DCC: variants seen among roughly 807,000 people sequenced by gnomAD.
DCC encodes DCC netrin 1 receptor.
A neutral mutation model predicts 172.5 loss-of-function variants in DCC; 58 were observed. The observed-to-expected ratio is 0.34, with a 90% CI of 0.27 to 0.42. The LOEUF is 0.42. Among genes scored for constraint, DCC ranks in the 10% least tolerant of loss-of-function variants. DCC has a pLI of 1.00. For synonymous variants in DCC, 709 were observed against 644.5 expected (o/e 1.10, Z -1.52); for missense variants, 1,740 against 1,791.0 (o/e 0.97, Z 0.51).
intron 7 of DCC, among the ~76,000 whole-genome samples, chr18:53,137,862 A>T (rs2043769139): frequency 6.6e-6 from 1 of 151,970 alleles, no homozygotes; most frequent in South Asian, 2.1e-4. Flanking sequence ...GTCACCTAGG[A>T]TGGAGTGCAG....
intron 5 of DCC, among the ~76,000 whole-genome samples, chr18:52,957,955 G>T (rs1159244937): frequency 6.6e-6 from 1 of 152,124 alleles, no homozygotes; most frequent in Non-Finnish European, 1.5e-5. Flanking sequence ...AGCACAGATT[G>T]GGAGAAGAGG....
intron 16 of DCC, among the ~76,000 whole-genome samples, chr18:53,388,853 T>A (rs887587010): frequency 2.0e-5 from 3 of 152,186 alleles, no homozygotes; most frequent in Non-Finnish European, 4.4e-5. Flanking sequence ...GGTGCAGTCA[T>A]GGCTCACTGT....
intron 13 of DCC, among the ~76,000 whole-genome samples, chr18:53,312,340 C>CA (rs1218591102): frequency 0.076 from 1,316 of 17,402 alleles, 244 homozygotes; most frequent in African/African-American, 0.16. Flanking sequence ...GACTCTGTCT[C>CA]AAAAAAAAAA....
At chr18:52,349,133 G>A (rs905747627) in intron 1 of DCC, among the ~76,000 whole-genome samples, 5 of 152,118 alleles carry the variant, frequency 3.3e-5, no homozygotes, top group Non-Finnish European at 7.4e-5. Context: ...TACATTTATG[G>A]CATATATAAC....
intron 1 of DCC, among the ~76,000 whole-genome samples, chr18:52,408,676 A>G (rs1372696402): frequency 6.6e-6 from 1 of 152,138 alleles, no homozygotes; most frequent in East Asian, 1.9e-4. Flanking sequence ...TAGCTCCAGA[A>G]AACTCTGGAT....
intron 7 of DCC, among the ~76,000 whole-genome samples, chr18:53,094,888 CTAAT>C (rs1440184369): frequency 6.6e-6 from 1 of 151,914 alleles, no homozygotes; most frequent in Non-Finnish European, 1.5e-5. Context: ...TTAACTGGGT[CTAAT>C]AAATAATAGA....
intron 12 of DCC, among the ~76,000 whole-genome samples, chr18:53,228,356 T>C (rs746974173): frequency 3.2e-4 from 49 of 152,192 alleles, no homozygotes; most frequent in Non-Finnish European, 6.6e-4. Context: ...TCCGTTACAA[T>C]CTTGGATTAT....
At chr18:52,347,427 T>A (rs190086464) in intron 1 of DCC, among the ~76,000 whole-genome samples, 1 of 152,308 alleles carries the variant, frequency 6.6e-6, no homozygotes, top group African/African-American at 2.4e-5. Flanking sequence ...TATGTGATTT[T>A]ATAGGGATAA....
chr18:53,245,681 C>G (rs1473491521), intron 12 of DCC, among the ~76,000 whole-genome samples: 2 of 152,022 alleles, frequency 1.3e-5, no homozygotes, highest in Non-Finnish European at 1.5e-5. Context: ...AAGTCTAATA[C>G]AGATATCTAA....
At chr18:52,586,088 A>G (rs1298121059) in intron 1 of DCC, among the ~76,000 whole-genome samples, 3 of 145,156 alleles carry the variant, frequency 2.1e-5, no homozygotes, top group African/African-American at 7.9e-5. Flanking sequence ...GTCTCAAAAA[A>G]AAAAAAAAAA....
intron 1 of DCC, among the ~76,000 whole-genome samples, chr18:52,522,201 T>G (rs971008622): frequency 6.6e-6 from 1 of 152,222 alleles, no homozygotes; most frequent in Non-Finnish European, 1.5e-5. Flanking sequence ...CATGGCAGTA[T>G]CTACCTGTAC....
At chr18:52,663,413 G>A (rs1037371547) in intron 1 of DCC, among the ~76,000 whole-genome samples, 6 of 152,100 alleles carry the variant, frequency 3.9e-5, no homozygotes, top group African/African-American at 1.4e-4. Context: ...GCTGAGTTTC[G>A]AGTGGACTAG....
intron 25 of DCC, among the ~76,000 whole-genome samples, 200 bp from the exon 26 acceptor site, chr18:53,486,597 C>T (rs563190698): frequency 2.6e-5 from 4 of 152,184 alleles, no homozygotes; most frequent in Admixed American, 2.0e-4. Flanking sequence ...GGTAATATTT[C>T]GTAGTATGAT....
intron 1 of DCC, among the ~76,000 whole-genome samples, chr18:52,641,184 T>C (rs968750728): frequency 2.6e-5 from 4 of 152,144 alleles, no homozygotes; most frequent in Admixed American, 2.6e-4. Flanking sequence ...TAAAACTGGA[T>C]CCTCATCTCT....
chr18:52,686,126 G>A (rs2035830172), intron 1 of DCC, among the ~76,000 whole-genome samples: 1 of 152,096 alleles, frequency 6.6e-6, no homozygotes, highest in Non-Finnish European at 1.5e-5. Flanking sequence ...CTACTTCTGA[G>A]GCTTCCTCTG....
intron 12 of DCC, among the ~76,000 whole-genome samples, chr18:53,273,309 T>C (rs2056769276): frequency 6.6e-6 from 1 of 152,134 alleles, no homozygotes; most frequent in Admixed American, 6.6e-5. Context: ...GTTTGTCCTC[T>C]TTTTGTTCTT....
At chr18:53,057,732 T>C (rs1399790242) in intron 5 of DCC, among the ~76,000 whole-genome samples, 1 of 152,068 alleles carries the variant, frequency 6.6e-6, no homozygotes, top group Non-Finnish European at 1.5e-5. Context: ...TCATGGTACT[T>C]TTATTAGTCA....
chr18:53,032,552 G>T (rs1181292179), intron 5 of DCC, among the ~76,000 whole-genome samples: 1 of 152,076 alleles, frequency 6.6e-6, no homozygotes, highest in Non-Finnish European at 1.5e-5. Flanking sequence ...GGCATCTTTG[G>T]TCCTATGCAT....
chr18:53,288,866 G>A (rs1436119354), intron 12 of DCC, among the ~76,000 whole-genome samples: 1 of 152,136 alleles, frequency 6.6e-6, no homozygotes, highest in African/African-American at 2.4e-5. Flanking sequence ...AATTGGTACA[G>A]TAGATCAGAA....
Sources: gnomAD v4.1 joint callset for allele counts (sites outside exome capture counted in the v4.1 genomes callset) on GRCh38, gnomAD v4.1.1 for gene constraint, MANE v1.5 for transcripts, NCBI Gene and HGNC (gene_info 2026-07-23, HGNC 2026-07-21) for gene names.